MYO5C: variants seen among roughly 807,000 people sequenced by gnomAD.
MYO5C encodes the protein myosin VC.
Under a neutral mutation model 235.7 loss-of-function variants are expected in MYO5C, and 194 were observed. The ratio of observed to expected loss-of-function variants is 0.82; its 90% CI spans 0.73 to 0.93. The LOEUF (loss-of-function observed/expected upper bound fraction) is 0.93. Among genes scored for constraint, MYO5C ranks in the 40% least tolerant of loss-of-function variants. The pLI is 0.00. For missense variants in MYO5C, 2,038 were observed against 2,127.2 expected, an observed-to-expected ratio of 0.96 and a Z score of 0.82; for synonymous variants, 707 against 754.8, an observed-to-expected ratio of 0.94 and a Z score of 1.04.
At chr15:52,282,380 G>C (rs2037177869) in intron 2 of MYO5C, among the ~76,000 whole-genome samples, 1 of 152,060 alleles carries the variant, frequency 6.6e-6, no homozygotes, top group African/African-American at 2.4e-5. Flanking sequence ...TTCTCTACCA[G>C]CGTATGCCTT....
chr15:52,219,581 G>A (rs1466520026), intron 31 of MYO5C, among the ~76,000 whole-genome samples, 178 bp downstream of exon 31: 1 of 152,252 alleles, frequency 6.6e-6, no homozygotes, highest in Non-Finnish European at 1.5e-5. Flanking sequence ...AGATGCTGCT[G>A]CTGCTGAGTG....
Position 52,195,412 on chromosome 15 carries a change from TCTC to T in MYO5C, c.5038_5040del (p.Glu1680del), listed in dbSNP as rs1255705280. 6.2e-7 allele frequency: 1 copy of T among 1,613,658 alleles called. No individual in the cohort carries two copies. The highest frequency in any genetic ancestry group is 1.1e-5 in the South Asian group (1 of 90,966). ...CGAACAAAGGATGGAGTCACTCTCT[TCTC>T]AAAGTCATCTATAGGTGTGTATGAA... On this transcript the variant is annotated inframe_deletion, in exon 40 of 41. Coordinates refer to ENST00000261839, the MANE Select transcript of MYO5C (RefSeq NM_018728.4).
intron 34 of MYO5C, 121 bp downstream of exon 34, chr15:52,213,067 G>C: frequency 1.5e-6 from 1 of 682,888 alleles, no homozygotes; most frequent in Non-Finnish European, 2.6e-6. Flanking sequence ...ACTCTGGGCT[G>C]GGGGAAGAAG....
At chr15:52,253,998 G>A (rs114360753) in intron 11 of MYO5C, among the ~76,000 whole-genome samples, 1 of 151,074 alleles carries the variant, frequency 6.6e-6, no homozygotes, top group Non-Finnish European at 1.5e-5. Flanking sequence ...GTGGGGTAGG[G>A]TGGGGTGGGG....
chr15:52,290,754 A>G (rs2037371654), intron 1 of MYO5C, among the ~76,000 whole-genome samples: 1 of 152,198 alleles, frequency 6.6e-6, no homozygotes, highest in African/African-American at 2.4e-5. Context: ...AGATGAAATG[A>G]TTGATTAGCT....
chr15:52,270,433 C>T (rs1012884070), intron 7 of MYO5C, among the ~76,000 whole-genome samples: 1 of 152,022 alleles, frequency 6.6e-6, no homozygotes, highest in Non-Finnish European at 1.5e-5. Flanking sequence ...TGTTCCTGCA[C>T]CTAACATTTT....
At chr15:52,229,548 C>T (rs2035905302) in intron 24 of MYO5C, among the ~76,000 whole-genome samples, 1 of 152,154 alleles carries the variant, frequency 6.6e-6, no homozygotes, top group Non-Finnish European at 1.5e-5. Flanking sequence ...CGCTTGAGCC[C>T]AGGAGGTCCA....
chr15:52,252,549 G>A (rs1177422377), intron 12 of MYO5C, among the ~76,000 whole-genome samples: 1 of 152,044 alleles, frequency 6.6e-6, no homozygotes, highest in East Asian at 1.9e-4. Context: ...GCCGAGGCAG[G>A]CGGATCACGA....
chr15:52,293,076 AG>A (rs1388621236), intron 1 of MYO5C, among the ~76,000 whole-genome samples: 4 of 152,192 alleles, frequency 2.6e-5, no homozygotes, highest in Non-Finnish European at 4.4e-5. Flanking sequence ...GATTTCAAAT[AG>A]GGGAACTGCT....
At chr15:52,261,255 GC>G in intron 9 of MYO5C, 128 bp from the exon 10 acceptor site, 2 of 1,142,412 alleles carry the variant, frequency 1.8e-6, no homozygotes, top group South Asian at 1.6e-5. Context: ...GCACAAGGAC[GC>G]CCAGCCTCAG....
chr15:52,237,632 A>G lies in MYO5C; in HGVS notation c.2718T>C (p.His906=), dbSNP rs763001317. Residue 906 remains histidine (H), a synonymous_variant, in exon 22 of 41, where the codon CAT becomes CAC. Transcript: ENST00000261839. ...KKLEDQNKEN[H]GLVEKLTSLA... ...GGCTAGTCAGCTTCTCCACCAGCCCATGGTTTTCTTTGTTCTAGAGAAAAG... is the reference window on the plus strand; with the variant it reads ...GGCTAGTCAGCTTCTCCACCAGCCCGTGGTTTTCTTTGTTCTAGAGAAAAG... The G allele has an allele frequency of 2.5e-6, 4 of 1,612,372 alleles. No individual in the cohort carries two copies. The African/African-American group carries it at 4.0e-5, about 16-fold the overall frequency.
rs1157090652 is a variant in MYO5C at position 52,204,914 on chromosome 15, G to A, written c.4771C>T (p.Leu1591Phe). 2 of 1,614,238 alleles carry A rather than the reference G, an allele frequency of 1.2e-6. No individual in the cohort carries two copies. The highest frequency in any genetic ancestry group is 4.5e-5 in the East Asian group (2 of 44,880). ...FLIGAVTLNS[L>F]FLRKDMCSCR... Reference sequence around the variant, plus strand: ...GAGCACATGTCCTTGCGCAGGAAGAGGCTGTTCAGCGTGACCGCCCCGATC... The same window carrying A: ...GAGCACATGTCCTTGCGCAGGAAGAAGCTGTTCAGCGTGACCGCCCCGATC... The change falls in exon 38 of 41, where the codon CTC becomes TTC. Residue 1591 changes from leucine to phenylalanine, a missense_variant. By Grantham distance (22) the Leu-to-Phe change is conservative. Coordinates refer to ENST00000261839, the MANE Select transcript of MYO5C (RefSeq NM_018728.4).
intron 6 of MYO5C, 59 bp downstream of exon 6, chr15:52,272,521 T>C (rs548695036): frequency 6.5e-7 from 1 of 1,543,514 alleles, no homozygotes; most frequent in African/African-American, 1.4e-5. Flanking sequence ...GTATGTATAA[T>C]AAGTATGTAA....
At position 52,245,962 on chromosome 15, in the gene MYO5C, G is replaced by A. The variant is rs768832194; in HGVS notation, c.2060C>T (p.Pro687Leu). 6 of 1,614,050 alleles carry A rather than the reference G, an allele frequency of 3.7e-6. No homozygotes were observed. The highest frequency in any genetic ancestry group is 5.1e-6 in the Non-Finnish European group (6 of 1,179,894). Reference protein sequence around the residue: ...ETIRISAQSYPSRWTYIEFYS... With the variant: ...ETIRISAQSYLSRWTYIEFYS... ...ACAAGGACGGACAACATACCTGGAAGGGTAGCTCTGTGCACTAATGCGAAT... is the reference window on the plus strand; with the variant it reads ...ACAAGGACGGACAACATACCTGGAAAGGTAGCTCTGTGCACTAATGCGAAT... Residue 687 changes from proline to leucine, a missense_variant, in exon 17 of 41, where the codon CCT becomes CTT. Physicochemically the swap from Pro to Leu is moderately conservative, Grantham distance 98. Coordinates refer to ENST00000261839, the MANE Select transcript of MYO5C (RefSeq NM_018728.4).
chr15:52,205,143 C>T lies in MYO5C; in HGVS notation c.4542G>A (p.Pro1514=), dbSNP rs1000839310. Residue 1514 remains proline, a synonymous_variant, in exon 38 of 41, where the codon CCG becomes CCA. Coordinates refer to ENST00000261839, the MANE Select transcript of MYO5C (RefSeq NM_018728.4). ...MEKNIQPIIV[P]GMLEYESLQG... The stretch of plus-strand genomic sequence containing the variant: ...GCAGGCTCTCATACTCCAGCATTCC[C>T]GGAACTGCGGAGAGACAGGGAGGCT... The T allele has an allele frequency of 1.1e-5, 18 of 1,613,320 alleles. No homozygotes were observed. Among genetic ancestry groups the T allele is most frequent in the Non-Finnish European group, 1.4e-5 (17 of 1,179,574 alleles).
At chr15:52,224,765 A>C (rs1360305902) in intron 28 of MYO5C, 136 bp downstream of exon 28, 4 of 698,340 alleles carry the variant, frequency 5.7e-6, no homozygotes, top group Admixed American at 3.0e-5. Flanking sequence ...TCTCAGAGAA[A>C]TATTTCTAGT....
At chr15:52,230,650 TC>T (rs1263926811) in intron 24 of MYO5C, among the ~76,000 whole-genome samples, 1 of 152,082 alleles carries the variant, frequency 6.6e-6, no homozygotes, top group Admixed American at 6.5e-5. Context: ...CCTCAGGTGA[TC>T]TGCCCGCCTT....
rs1271899573 is a variant in MYO5C, at chr15:52,205,165, G to A, written c.4538-18C>T. Reference sequence around the variant, plus strand: ...TCCCGGAACTGCGGAGAGACAGGGAGGCTGTGCTGACACGCCAGGAGACAC... The same window carrying A: ...TCCCGGAACTGCGGAGAGACAGGGAAGCTGTGCTGACACGCCAGGAGACAC... On this transcript the variant is annotated intron_variant, in intron 37 of 40. Coordinates refer to ENST00000261839, the MANE Select transcript of MYO5C (RefSeq NM_018728.4). 6.2e-7 allele frequency: 1 copy of A among 1,610,068 alleles called. No homozygotes were observed. The highest frequency in any genetic ancestry group is 8.5e-7 in the Non-Finnish European group (1 of 1,177,940).
intron 5 of MYO5C, among the ~76,000 whole-genome samples, chr15:52,273,106 G>A (rs2036961379): frequency 6.6e-6 from 1 of 152,174 alleles, no homozygotes; most frequent in Admixed American, 6.5e-5. Flanking sequence ...TTCACTTGAG[G>A]CCAGGAGTTT....
Sources: allele counts gnomAD v4.1 joint callset (sites outside exome capture counted in the v4.1 genomes callset), GRCh38; gene constraint gnomAD v4.1.1; transcripts MANE v1.5; gene names NCBI Gene and HGNC (gene_info 2026-07-23, HGNC 2026-07-21).